Variants in WIPF1 observed in about 807,000 individuals in gnomAD.
The protein encoded by WIPF1 is WAS/WASL-interacting protein family member 1.
In WIPF1, 13 loss-of-function variants were observed where a neutral mutation model predicts 35.4. That is an observed-to-expected ratio of 0.37 (90% CI 0.24 to 0.58). The LOEUF is 0.58. WIPF1 is among the 20% of genes least tolerant of loss of function. WIPF1 has a pLI of 0.74. For missense variants in WIPF1, 591 were observed against 667.0 expected (o/e 0.89, Z 1.25); for synonymous variants, 267 against 266.3 (o/e 1.00, Z -0.02).
chr2:174,567,259 T>C, intron 6 of WIPF1, 76 bp from the exon 7 acceptor site: 2 of 1,324,408 alleles, frequency 1.5e-6, no homozygotes, highest in East Asian at 4.6e-5. Context: ...AGGCACAGAA[T>C]GAAAGAGAGA....
At chr2:174,597,030 A>C (rs958435455) in intron 1 of WIPF1, among the ~76,000 whole-genome samples, 1 of 152,258 alleles carries the variant, frequency 6.6e-6, no homozygotes, top group African/African-American at 2.4e-5. Context: ...TGCGATAGTA[A>C]TTGTGCACAC....
At chr2:174,595,043 A>T (rs540400269) in intron 1 of WIPF1, among the ~76,000 whole-genome samples, 10 of 137,072 alleles carry the variant, frequency 7.3e-5, no homozygotes, top group Non-Finnish European at 1.5e-4. Flanking sequence ...TGAGCCCAAG[A>T]GTTTGAGACC....
At chr2:174,660,800 A>T (rs908091146) in intron 1 of WIPF1, among the ~76,000 whole-genome samples, 10 of 152,164 alleles carry the variant, frequency 6.6e-5, no homozygotes, top group Admixed American at 6.5e-4. Context: ...CTCCACTCTA[A>T]AAGAAGGTTA....
rs1181632515 is a variant in WIPF1, at chr2:174,581,382, G to A, written c.109C>T (p.Leu37Phe). 1 of 1,614,080 alleles carries A rather than the reference G, an allele frequency of 6.2e-7. No homozygotes were observed. The highest frequency in any genetic ancestry group is 8.5e-7 in the Non-Finnish European group (1 of 1,179,998). Residue 37 changes from leucine (L) to phenylalanine (F), a missense_variant, in exon 3 of 8, where the codon CTT becomes TTT. Coordinates refer to ENST00000679041, the MANE Select transcript of WIPF1 (RefSeq NM_001375834.1). ...TTCTTCCCTTTGCTGATATCAGAAA[G>A]GAGAGCATTTCTCCCAGCCTGCTCT... The part of the protein sequence containing the change: ...KTEQAGRNAL[L>F]SDISKGKKLK...
intron 3 of WIPF1, among the ~76,000 whole-genome samples, chr2:174,579,699 C>T (rs1685174706): frequency 6.6e-6 from 1 of 152,192 alleles, no homozygotes; most frequent in South Asian, 2.1e-4. Flanking sequence ...AAGGTTTCCA[C>T]TAGTGGATTC....
At position 174,568,083 on chromosome 2, in the gene WIPF1, A is replaced by G. The variant is rs377212270; in HGVS notation, c.1130-10T>C. 17 of 1,608,534 alleles carry G rather than the reference A, an allele frequency of 1.1e-5. No homozygotes were observed. Among genetic ancestry groups the G allele is most frequent in the Non-Finnish European group, 1.4e-5 (16 of 1,178,402 alleles). Reference sequence around the variant, plus strand: ...GGTGGTGGGAGGGGGCCTGGAGCAAAAAAAGACACTTAGTGCAGAACCTTA... The same window carrying G: ...GGTGGTGGGAGGGGGCCTGGAGCAAGAAAAGACACTTAGTGCAGAACCTTA... On this transcript the variant is annotated splice_polypyrimidine_tract_variant and intron_variant, in intron 5 of 7. Transcript: ENST00000679041.
rs899104952 is a variant in WIPF1 at position 174,619,404 on chromosome 2, G to A, written c.-38-33793C>T. ...CGTTGCAGTGATTGTACCATTGCAC[G>A]CCAGCCTGTGTGTCACAGTGAGACC... On this transcript the variant is annotated intron_variant, in intron 1 of 8. Coordinates refer to the WIPF1 transcript ENST00000272746. 3.3e-5 allele frequency among the ~76,000 whole-genome samples: 5 copies of A among 151,890 alleles called. No individual in the cohort carries two copies. In the East Asian group the frequency reaches 5.8e-4, roughly 18 times the overall value.
At position 174,562,363 on chromosome 2, in the gene WIPF1, A is replaced by T; in HGVS notation, c.*184T>A. On this transcript the variant is annotated 3_prime_UTR_variant, in exon 8 of 8. Coordinates refer to ENST00000679041, the MANE Select transcript of WIPF1 (RefSeq NM_001375834.1). ...AAGCAATAGCCTGGAGAATAAACACAATATGAAAAGCTAGGTGCATTTCTT... is the reference window on the plus strand; with the variant it reads ...AAGCAATAGCCTGGAGAATAAACACTATATGAAAAGCTAGGTGCATTTCTT... The T allele has an allele frequency of 6.7e-7, 1 of 1,481,962 alleles. No homozygotes were observed. Among genetic ancestry groups the T allele is most frequent in the Non-Finnish European group, 9.0e-7 (1 of 1,115,042 alleles). 91.8% of individuals were successfully genotyped at this position (1,481,962 alleles called of 1,614,324 possible).
At chr2:174,587,011 T>A (rs906045349) in intron 1 of WIPF1, among the ~76,000 whole-genome samples, 26 of 152,310 alleles carry the variant, frequency 1.7e-4, no homozygotes, top group East Asian at 5.8e-4. Flanking sequence ...AAAATTTTTT[T>A]AAATTTTTTT....
At chr2:174,583,777 T>C (rs1331181717) in intron 2 of WIPF1, among the ~76,000 whole-genome samples, 1 of 152,194 alleles carries the variant, frequency 6.6e-6, no homozygotes, top group Non-Finnish European at 1.5e-5. Flanking sequence ...GTAAGCCAGA[T>C]TGGAGGTTCT....
intron 3 of WIPF1, among the ~76,000 whole-genome samples, chr2:174,580,917 A>G (rs13412409): frequency 0.11 from 17,455 of 152,256 alleles, 1,224 homozygotes; most frequent in African/African-American, 0.19. Context: ...TGAAGAAAAC[A>G]AGGCTTGGAG....
chr2:174,678,013 C>A (rs989351041), intron 1 of WIPF1, among the ~76,000 whole-genome samples: 1 of 152,106 alleles, frequency 6.6e-6, no homozygotes, highest in African/African-American at 2.4e-5. Flanking sequence ...ACAGAACTTA[C>A]CTCTCAGGGT....
At chr2:174,656,268 A>G (rs1432485239) in intron 1 of WIPF1, 1 of 152,284 alleles carries the variant, frequency 6.6e-6, no homozygotes, top group African/African-American at 2.4e-5. Flanking sequence ...ATTTCAAGCA[A>G]GTAAAATGAC....
intron 1 of WIPF1, among the ~76,000 whole-genome samples, chr2:174,653,532 G>A (rs974370361): frequency 5.9e-5 from 9 of 151,684 alleles, no homozygotes; most frequent in Non-Finnish European, 1.3e-4. Flanking sequence ...TCAGGAGATC[G>A]AGACCATCCT....
intron 1 of WIPF1, among the ~76,000 whole-genome samples, chr2:174,613,306 A>G (rs967226732): frequency 6.6e-6 from 1 of 152,240 alleles, no homozygotes; most frequent in African/African-American, 2.4e-5. Flanking sequence ...TTCATTAGCC[A>G]TTATGCAAAT....
rs957090789 is a variant in WIPF1, at chr2:174,635,542, T to G, written c.-39+47232A>C. ...TGCCTTCTGTTTGTTTTTTTTTTTT[T>G]TTTTTTTTTTTTGTGATTCTCTCAG... On this transcript the variant is annotated intron_variant, in intron 1 of 8. Coordinates refer to the WIPF1 transcript ENST00000272746. Among the ~76,000 whole-genome samples the G allele has an allele frequency of 1.7e-4, 25 of 148,554 alleles. 1 individual carries two copies. The highest frequency in any genetic ancestry group is 4.2e-4 in the African/African-American group (17 of 40,028).
intron 7 of WIPF1, among the ~76,000 whole-genome samples, chr2:174,565,449 A>C (rs1684628765): frequency 1.3e-5 from 2 of 152,100 alleles, no homozygotes; most frequent in Admixed American, 1.3e-4. Context: ...ATTCCATTTA[A>C]CCCAATAGAA....
rs11403701 is a variant in WIPF1, at chr2:174,675,921, C to CTT, written c.-39+6851_-39+6852dup. ...GTGGGGAAGAGATGTTACCCGATTTCTTTTTTTTTTTTTTGCTTTCATTTT... is the reference window on the plus strand; with the variant it reads ...GTGGGGAAGAGATGTTACCCGATTTCTTTTTTTTTTTTTTTTGCTTTCATTTT... On this transcript the variant is annotated intron_variant, in intron 1 of 8. Coordinates refer to the WIPF1 transcript ENST00000272746. Among the ~76,000 whole-genome samples, 880 of 114,582 alleles carry CTT rather than the reference C, an allele frequency of 7.7e-3. 11 individuals carry two copies. The highest frequency in any genetic ancestry group is 0.018 in the African/African-American group (537 of 29,108). The allele number at this position is 114,582 out of a possible 152,430, so 75.2% of individuals were successfully genotyped here. A position where few individuals can be genotyped will look rare whatever the true frequency, so the allele number is the denominator to read the frequency against.
At chr2:174,608,066 A>G (rs1023439091) in intron 1 of WIPF1, among the ~76,000 whole-genome samples, 5 of 151,874 alleles carry the variant, frequency 3.3e-5, no homozygotes, top group African/African-American at 9.7e-5. Context: ...CAAGACAGCC[A>G]TTTAAAAAGA....
Sources: gnomAD v4.1 joint callset for allele counts (sites outside exome capture counted in the v4.1 genomes callset) on GRCh38, gnomAD v4.1.1 for gene constraint, MANE v1.5 for transcripts, NCBI Gene and HGNC (gene_info 2026-07-23, HGNC 2026-07-21) for gene names.